GLIS3: variants seen among roughly 807,000 people sequenced by gnomAD.
The protein encoded by GLIS3 is zinc finger protein GLIS3.
In GLIS3, 53 loss-of-function variants were observed where a neutral mutation model predicts 78.6. The observed-to-expected ratio is 0.67, with a 90% CI of 0.54 to 0.85. GLIS3 has a LOEUF of 0.85. GLIS3 is among the 40% of genes least tolerant of loss of function. The pLI, the probability that GLIS3 is intolerant of heterozygous loss-of-function variation, is 0.00. For missense variants in GLIS3, 1,703 were observed against 1,231.1 expected (o/e 1.38, Z -5.74); for synonymous variants, 684 against 509.9 (o/e 1.34, Z -4.60).
At chr9:4,321,035 C>G (rs941680388) in intron 2 of GLIS3, among the ~76,000 whole-genome samples, 1 of 151,870 alleles carries the variant, frequency 6.6e-6, no homozygotes, top group Admixed American at 6.6e-5. Flanking sequence ...ATTTCTGCAG[C>G]CTTATTTCAT....
chr9:4,000,805 T>G (rs1347702873), intron 4 of GLIS3, among the ~76,000 whole-genome samples: 1 of 152,202 alleles, frequency 6.6e-6, no homozygotes, highest in East Asian at 1.9e-4. Flanking sequence ...TACCTGCAGC[T>G]TCCTCTGCCA....
intron 4 of GLIS3, among the ~76,000 whole-genome samples, chr9:4,024,896 A>C (rs1374603232): frequency 6.6e-6 from 1 of 152,166 alleles, no homozygotes; most frequent in Non-Finnish European, 1.5e-5. Context: ...CAGGGCAGTA[A>C]TCATGCCTGT....
At chr9:4,025,112 C>T (rs773733632) in intron 4 of GLIS3, among the ~76,000 whole-genome samples, 21 of 151,982 alleles carry the variant, frequency 1.4e-4, no homozygotes, top group African/African-American at 4.8e-4. Flanking sequence ...ATTAGCCAAG[C>T]GTGGTGGTGC....
At chr9:3,832,746 A>G (rs566012275) in intron 9 of GLIS3, among the ~76,000 whole-genome samples, 1 of 152,314 alleles carries the variant, frequency 6.6e-6, no homozygotes, top group East Asian at 1.9e-4. Context: ...AATATTTGCT[A>G]TCTATATCTT....
intron 6 of GLIS3, among the ~76,000 whole-genome samples, chr9:3,922,758 G>C (rs1222790076): frequency 1.3e-5 from 2 of 151,952 alleles, no homozygotes; most frequent in Non-Finnish European, 2.9e-5. Context: ...AATATAAAGA[G>C]AGAAAGCCAA....
chr9:4,103,492 C>T (rs1005651578), intron 4 of GLIS3, among the ~76,000 whole-genome samples: 1 of 152,086 alleles, frequency 6.6e-6, no homozygotes, highest in African/African-American at 2.4e-5. Context: ...AAGATATAAC[C>T]TTATAATCTC....
chr9:3,917,378 T>C (rs1824586341), intron 6 of GLIS3, among the ~76,000 whole-genome samples: 1 of 152,178 alleles, frequency 6.6e-6, no homozygotes, highest in South Asian at 2.1e-4. Context: ...AAGGGTGACA[T>C]TGACAAGTGA....
intron 9 of GLIS3, among the ~76,000 whole-genome samples, chr9:3,842,606 G>A (rs1468362950): frequency 6.6e-6 from 1 of 152,186 alleles, no homozygotes; most frequent in Non-Finnish European, 1.5e-5. Flanking sequence ...CCTACACTTG[G>A]TGTCTAGGCC....
chr9:4,265,296 T>G (rs925656269), intron 2 of GLIS3, among the ~76,000 whole-genome samples: 4 of 152,108 alleles, frequency 2.6e-5, no homozygotes, highest in African/African-American at 9.7e-5. Flanking sequence ...CTTAACATAG[T>G]AGCATTTCTC....
intron 4 of GLIS3, chr9:4,054,264 C>G (rs1035162079): frequency 1.2e-5 from 10 of 863,784 alleles, no homozygotes; most frequent in Non-Finnish European, 1.4e-5. Context: ...ACGGTCACTG[C>G]TCTATTCTCA....
chr9:4,066,059 C>G (rs1353317143), intron 4 of GLIS3, among the ~76,000 whole-genome samples: 2 of 125,984 alleles, frequency 1.6e-5, no homozygotes, highest in Non-Finnish European at 3.5e-5. Context: ...AAAAAAGAAA[C>G]AGGCGAAACT....
chr9:4,404,227 T>C, the GLIS3 span, among the ~76,000 whole-genome samples: 1 of 152,114 alleles, frequency 6.6e-6, no homozygotes, highest in Non-Finnish European at 1.5e-5. Flanking sequence ...ATAAAGCAAA[T>C]ATTATTAGAG....
chr9:4,466,412 G>C, the GLIS3 span, among the ~76,000 whole-genome samples: 1 of 152,148 alleles, frequency 6.6e-6, no homozygotes, highest in South Asian at 2.1e-4. Context: ...TCAGAAAATA[G>C]AGAAGGAAGA....
At chr9:4,305,537 T>A (rs1312586359) in intron 4 of GLIS3, 1 of 152,240 alleles carries the variant, frequency 6.6e-6, no homozygotes, top group African/African-American at 2.4e-5. Flanking sequence ...GAGAGGAATC[T>A]CACTCCCTTG....
chr9:4,386,928 G>T, the GLIS3 span, among the ~76,000 whole-genome samples: 2 of 152,106 alleles, frequency 1.3e-5, no homozygotes, highest in Non-Finnish European at 2.9e-5. Flanking sequence ...ATGCTGGCTT[G>T]GGGCATAGTC....
Position 4,288,366 on chromosome 9 carries a change from A to AT in GLIS3, c.-98-1844_-98-1843insA, listed in dbSNP as rs1440266555. Reference sequence around the variant, plus strand: ...GCAAAAGAAATATGTCACATTGGCAACTTTTTTAAAATAAAGAATTGTTCA... The same window carrying AT: ...GCAAAAGAAATATGTCACATTGGCAATCTTTTTTAAAATAAAGAATTGTTCA... On this transcript the variant is annotated intron_variant, in intron 1 of 10. Transcript: ENST00000381971. Among the ~76,000 whole-genome samples the AT allele has an allele frequency of 3.3e-5, 5 of 152,172 alleles. No individual in the cohort carries two copies. In the East Asian group the frequency reaches 5.8e-4, roughly 18 times the overall value.
chr9:4,101,589 T>A (rs1340576667), intron 4 of GLIS3, among the ~76,000 whole-genome samples: 1 of 152,182 alleles, frequency 6.6e-6, no homozygotes, highest in African/African-American at 2.4e-5. Flanking sequence ...TAGAAATTAT[T>A]TTTCTAGGGT....
At position 4,069,596 on chromosome 9, in the gene GLIS3, C is replaced by T. The variant is rs115908782; in HGVS notation, c.1710+48172G>A. ...TACTAGCTTGTTGTTTTTTCCAGAACGTAAAACAGTTTCTTTTTTTCAACT... is the reference window on the plus strand; with the variant it reads ...TACTAGCTTGTTGTTTTTTCCAGAATGTAAAACAGTTTCTTTTTTTCAACT... On this transcript the variant is annotated intron_variant, in intron 4 of 10. Coordinates refer to ENST00000381971, the MANE Select transcript of GLIS3 (RefSeq NM_001042413.2). Among the ~76,000 whole-genome samples, 457 of 152,134 alleles carry T rather than the reference C, an allele frequency of 3.0e-3. 2 individuals carry two copies. Among genetic ancestry groups the T allele is most frequent in the African/African-American group, 0.01 (421 of 41,522 alleles).
At chr9:4,059,840 G>GAGAC (rs1826492659) in intron 4 of GLIS3, among the ~76,000 whole-genome samples, 5 of 145,396 alleles carry the variant, frequency 3.4e-5, no homozygotes, top group African/African-American at 1.4e-4. Context: ...GAGAGAGAGA[G>GAGAC]AGAGAGAGAG....
Sources: gnomAD v4.1 joint callset for allele counts (sites outside exome capture counted in the v4.1 genomes callset) on GRCh38, gnomAD v4.1.1 for gene constraint, MANE v1.5 for transcripts, NCBI Gene and HGNC (gene_info 2026-07-23, HGNC 2026-07-21) for gene names.